The following TSHZ2 variants were observed in gnomAD, a reference collection of about 807,000 sequenced individuals.
TSHZ2 encodes teashirt homolog 2.
In TSHZ2, 21 loss-of-function variants were observed where a neutral mutation model predicts 74.4. The ratio of observed to expected loss-of-function variants is 0.28; its 90% confidence interval spans 0.20 to 0.41. The LOEUF (loss-of-function observed/expected upper bound fraction) is 0.41. TSHZ2 is among the 10% of genes least tolerant of loss of function. The pLI, the probability that TSHZ2 is intolerant of heterozygous loss-of-function variation, is 1.00. For synonymous variants in TSHZ2, 540 were observed against 515.3 expected, an observed-to-expected ratio of 1.05 and a Z score of -0.65; for missense variants, 1,244 against 1,293.5, an observed-to-expected ratio of 0.96 and a Z score of 0.59.
intron 1 of TSHZ2, among the ~76,000 whole-genome samples, chr20:53,120,411 TAAAA>T: frequency 6.6e-6 from 1 of 151,564 alleles, no homozygotes; most frequent in East Asian, 1.9e-4. Flanking sequence ...TTTGTATCTT[TAAAA>T]AAAAAGTTTA....
intron 1 of TSHZ2, among the ~76,000 whole-genome samples, chr20:53,169,392 G>A (rs188722854): frequency 6.6e-6 from 1 of 152,294 alleles, no homozygotes; most frequent in African/African-American, 2.4e-5. Flanking sequence ...CTTGACCAAT[G>A]CTCCACACTG....
At chr20:53,249,072 C>T (rs1425525214) in intron 1 of TSHZ2, among the ~76,000 whole-genome samples, 1 of 151,910 alleles carries the variant, frequency 6.6e-6, no homozygotes, top group African/African-American at 2.4e-5. Flanking sequence ...AACTCCTGAC[C>T]TCGGGTGATC....
chr20:53,235,649 G>A (rs547179192), intron 1 of TSHZ2, among the ~76,000 whole-genome samples: 1 of 152,308 alleles, frequency 6.6e-6, no homozygotes, highest in East Asian at 1.9e-4. Context: ...AGAAATAAAA[G>A]GGAAGCTCTC....
chr20:52,974,827 T>A (rs1371690169), intron 1 of TSHZ2, among the ~76,000 whole-genome samples: 1 of 152,226 alleles, frequency 6.6e-6, no homozygotes, highest in East Asian at 1.9e-4. Context: ...TATTTGTAAG[T>A]TGGTTCAAGT....
chr20:53,138,108 C>T (rs529720194), intron 1 of TSHZ2, among the ~76,000 whole-genome samples: 55 of 152,202 alleles, frequency 3.6e-4, no homozygotes, highest in Middle Eastern at 3.4e-3. Context: ...AGTGGCCGGG[C>T]GCAGTGGCTC....
chr20:53,025,993 T>C (rs1187789399), intron 1 of TSHZ2, among the ~76,000 whole-genome samples: 1 of 152,182 alleles, frequency 6.6e-6, no homozygotes, highest in Non-Finnish European at 1.5e-5. Flanking sequence ...GGCTGTGGTA[T>C]GGCAGTGTCT....
At chr20:53,004,591 G>C (rs984342953) in intron 1 of TSHZ2, among the ~76,000 whole-genome samples, 2 of 152,174 alleles carry the variant, frequency 1.3e-5, no homozygotes, top group Admixed American at 1.3e-4. Flanking sequence ...AAAACAAGGT[G>C]TATAAATGCT....
intron 2 of TSHZ2, among the ~76,000 whole-genome samples, chr20:53,465,982 A>AAG (rs1985545888): frequency 6.6e-6 from 1 of 151,246 alleles, no homozygotes; most frequent in Non-Finnish European, 1.5e-5. Context: ...AAAAAAAAAA[A>AAG]AAGACTGTAA....
intron 1 of TSHZ2, among the ~76,000 whole-genome samples, chr20:53,187,808 A>T (rs1988636870): frequency 6.6e-6 from 1 of 152,120 alleles, no homozygotes; most frequent in Non-Finnish European, 1.5e-5. Context: ...AAGTGATCTG[A>T]GGGAAAAGGG....
chr20:53,255,845 C>T lies in TSHZ2; in HGVS notation c.2387C>T (p.Ala796Val), dbSNP rs760158281. 3.1e-6 allele frequency: 5 copies of T among 1,611,600 alleles called. No individual in the cohort carries two copies. The highest frequency in any genetic ancestry group is 3.4e-6 in the Non-Finnish European group (4 of 1,178,442). ...PPQKHALSDIADMVKVLPKAT... is the reference protein window; with the variant it reads ...PPQKHALSDIVDMVKVLPKAT... ...CAGAAGCACGCTCTGTCTGACATCG[C>T]CGACATGGTCAAAGTCCTCCCCAAA... Residue 796 changes from alanine (A) to valine (V), a missense_variant, in exon 2 of 3, where the codon GCC (alanine) becomes GTC (valine). Physicochemically the swap from Ala to Val is moderately conservative, Grantham distance 64. Around this residue, in one of 6 missense-constraint regions of TSHZ2, gnomAD observed 562 missense variants for 544.0 expected, o/e 1.03. Transcript: ENST00000371497. This position sits in a 1 kb window ranked among gnomAD's most constrained non-coding sequence, Gnocchi z 4.1.
At chr20:52,997,902 T>C (rs1982266396) in intron 1 of TSHZ2, among the ~76,000 whole-genome samples, 2 of 152,190 alleles carry the variant, frequency 1.3e-5, no homozygotes, top group Admixed American at 1.3e-4. Context: ...ATCTTCCTAC[T>C]CAAAGTATGG....
chr20:53,336,205 G>C (rs1464827458), intron 2 of TSHZ2, among the ~76,000 whole-genome samples: 3 of 152,172 alleles, frequency 2.0e-5, no homozygotes, highest in Non-Finnish European at 4.4e-5. Flanking sequence ...TGAGCTGCAG[G>C]AGAGAAGGTG....
chr20:53,343,247 G>A (rs1980293316), intron 2 of TSHZ2, among the ~76,000 whole-genome samples: 3 of 152,034 alleles, frequency 2.0e-5, no homozygotes, highest in Admixed American at 2.0e-4. Context: ...GATTACAGGC[G>A]TGAGCCACCG....
chr20:53,308,874 G>A (rs996449947), intron 2 of TSHZ2, among the ~76,000 whole-genome samples: 1 of 152,220 alleles, frequency 6.6e-6, no homozygotes, highest in Non-Finnish European at 1.5e-5. Flanking sequence ...TTAAGCACCT[G>A]GGAGGGCTTC....
chr20:53,241,497 A>T (rs1281331465), intron 1 of TSHZ2, among the ~76,000 whole-genome samples: 1 of 152,170 alleles, frequency 6.6e-6, no homozygotes, highest in Non-Finnish European at 1.5e-5. Context: ...ACTCAATCTG[A>T]TAAGGGGATT....
At chr20:53,349,331 A>T (rs1486137460) in intron 2 of TSHZ2, among the ~76,000 whole-genome samples, 1 of 152,236 alleles carries the variant, frequency 6.6e-6, no homozygotes, top group Non-Finnish European at 1.5e-5. Flanking sequence ...AGCTCTTCTT[A>T]TAAGATATGT....
At chr20:53,012,506 T>G (rs1982887799) in intron 1 of TSHZ2, among the ~76,000 whole-genome samples, 1 of 152,152 alleles carries the variant, frequency 6.6e-6, no homozygotes, top group Admixed American at 6.6e-5. Flanking sequence ...CTTTAAAGCT[T>G]GGGAAGTTTA....
chr20:53,173,593 G>A (rs1022975954), intron 1 of TSHZ2, among the ~76,000 whole-genome samples: 7 of 152,204 alleles, frequency 4.6e-5, no homozygotes, highest in African/African-American at 1.7e-4. Context: ...GGGCAACAGG[G>A]TGAGACTCCA....
intron 1 of TSHZ2, among the ~76,000 whole-genome samples, chr20:53,097,119 TCTCCAGA>T (rs1342733895): frequency 1.3e-5 from 2 of 151,960 alleles, no homozygotes; most frequent in Non-Finnish European, 2.9e-5. Flanking sequence ...ATCAAAAATG[TCTCCAGA>T]TATTGCCAAA....
Sources: allele counts gnomAD v4.1 joint callset (sites outside exome capture counted in the v4.1 genomes callset), GRCh38; gene constraint gnomAD v4.1.1; regional missense constraint gnomAD v4.1.1; non-coding constraint Gnocchi (gnomAD v3.1); transcripts MANE v1.5; gene names NCBI Gene and HGNC (gene_info 2026-07-23, HGNC 2026-07-21).